ZNF492: variants seen among roughly 807,000 people sequenced by gnomAD.
The protein encoded by ZNF492 is zinc finger protein 492, also known as zinc finger protein 115 (Y20).
A neutral mutation model predicts 6.4 loss-of-function variants in ZNF492; 3 were observed. The observed-to-expected ratio is 0.47, with a 90% confidence interval of 0.21 to 1.22. ZNF492 has a LOEUF of 1.22. ZNF492 is among the 50% of genes most tolerant of loss of function. ZNF492 has a pLI of 0.22. For missense variants in ZNF492, 356 were observed against 612.5 expected (o/e 0.58, Z 4.42); for synonymous variants, 112 against 205.3 (o/e 0.55, Z 3.89).
rs869202400 is a variant in ZNF492 at position 22,642,384 on chromosome 19, CTTTTTTTTT to C, written c.-94+7925_-94+7933del. Among the ~76,000 whole-genome samples, 5 of 85,478 alleles carry C rather than the reference CTTTTTTTTT, an allele frequency of 5.8e-5. No individual in the cohort carries two copies. In the East Asian group the frequency reaches 1.7e-3, roughly 30 times the overall value. The allele number at this position is 85,478 out of a possible 152,430, so 56.1% of individuals were successfully genotyped here. ...ATTAACAGCTAAATAAACCTTTTGT[CTTTTTTTTT>C]TTTTTTTTTTTTTTGAGATGGAGTC... On this transcript the variant is annotated intron_variant, in intron 1 of 3. Transcript: ENST00000456783.
rs189665715 is a variant in ZNF492, at chr19:22,643,519, T to C, written c.-94+9045T>C. On this transcript the variant is annotated intron_variant, in intron 1 of 3. Transcript: ENST00000456783. ...GAGCCTAGGGGGAGCATCATCAGCA[T>C]TGACAGGGGACTTATTTAAAACACC... is the stretch of plus-strand genomic sequence containing the variant. Among the ~76,000 whole-genome samples, 19 of 152,304 alleles carry C rather than the reference T, an allele frequency of 1.2e-4. No individual in the cohort carries two copies. The East Asian group carries it at 3.7e-3, about 29-fold the overall frequency.
intron 3 of ZNF492, 67 bp from the exon 4 acceptor site, chr19:22,663,733 T>G: frequency 7.2e-7 from 1 of 1,386,472 alleles, no homozygotes; most frequent in Non-Finnish European, 9.5e-7. Context: ...ATTTTATAGG[T>G]TAGATTTGTA....
intron 1 of ZNF492, among the ~76,000 whole-genome samples, chr19:22,637,798 CACT>C (rs1568351284): frequency 6.6e-6 from 1 of 152,258 alleles, no homozygotes; most frequent in South Asian, 2.1e-4. Context: ...GGAATCGTCA[CACT>C]ACTTTTTATA....
rs1481932016 is a variant in ZNF492 at position 22,665,119 on chromosome 19, A to G, written c.1450A>G (p.Lys484Glu). ...ACCCTACAAGTGTGAAGAATGTGGC[A>G]AAGCCTTTAACAACTCCTCTATTCT... ...EKPYKCEECG[K>E]AFNNSSILNR... is the part of the protein sequence containing the mutation. Residue 484 changes from lysine to glutamate, a missense_variant, in exon 4 of 4, where the codon AAA becomes GAA. This residue lies in a region of ZNF492 where 81 missense variants were observed against 115.4 expected (regional missense o/e 0.70). Coordinates refer to ENST00000456783, the MANE Select transcript of ZNF492 (RefSeq NM_020855.3). 4.3e-6 allele frequency: 7 copies of G among 1,610,304 alleles called. No individual in the cohort carries two copies. Among genetic ancestry groups the G allele is most frequent in the Non-Finnish European group, 5.9e-6 (7 of 1,179,882 alleles).
intron 1 of ZNF492, among the ~76,000 whole-genome samples, chr19:22,643,253 A>C (rs577156514): frequency 6.6e-6 from 1 of 152,310 alleles, no homozygotes; most frequent in Admixed American, 6.5e-5. Flanking sequence ...CAGCCTGGGC[A>C]ACAGAGTGAG....
intron 1 of ZNF492, among the ~76,000 whole-genome samples, chr19:22,641,886 C>T (rs1264696198): frequency 2.6e-5 from 4 of 152,116 alleles, no homozygotes; most frequent in East Asian, 1.9e-4. Context: ...CTCCGCCTCC[C>T]GGGTTCACGC....
In ZNF492 at chr19:22,666,627, C is replaced by T. The variant is rs542595966; in HGVS notation, c.*1362C>T. 2.0e-5 allele frequency: 3 copies of T among 152,196 alleles called. No individual in the cohort carries two copies. The highest frequency in any genetic ancestry group is 6.5e-5 in the Admixed American group (1 of 15,276). The allele number at this position is 152,196 out of a possible 1,614,324, so 9.4% of individuals were successfully genotyped here. ...GGACATTAAAATGCATGATGAAAAT[C>T]TAAGTAAAGAGGTTCTTTGTGATTC... On this transcript the variant is annotated 3_prime_UTR_variant, in exon 4 of 4. Transcript: ENST00000456783.
At chr19:22,637,312 A>G (rs1470161820) in intron 1 of ZNF492, among the ~76,000 whole-genome samples, 1 of 151,816 alleles carries the variant, frequency 6.6e-6, no homozygotes, top group Non-Finnish European at 1.5e-5. Context: ...ATTTTTGAAG[A>G]CAGGGTCTCA....
In ZNF492 at chr19:22,634,445, A is replaced by G; in HGVS notation, c.-123A>G. ...AGGTATTGGGAGATCCACAGCTAAG[A>G]CGCTAGGACCCCCTGGAAGCCTAGA... On this transcript the variant is annotated 5_prime_UTR_variant, in exon 1 of 4. Coordinates refer to ENST00000456783, the MANE Select transcript of ZNF492 (RefSeq NM_020855.3). 5.1e-6 allele frequency: 7 copies of G among 1,383,850 alleles called. No homozygotes were observed. The highest frequency in any genetic ancestry group is 7.1e-6 in the Non-Finnish European group (7 of 985,716). The allele number at this position is 1,383,850 out of a possible 1,614,324, so 85.7% of individuals were successfully genotyped here. A position where few individuals can be genotyped will look rare whatever the true frequency, so the allele number is the denominator to read the frequency against.
intron 3 of ZNF492, among the ~76,000 whole-genome samples, chr19:22,656,845 G>T (rs142422244): frequency 1.3e-5 from 2 of 152,190 alleles, no homozygotes; most frequent in East Asian, 3.9e-4. Flanking sequence ...AGATCTCAAA[G>T]CTCTTTAAGG....
At chr19:22,634,733 C>G (rs901658121) in intron 1 of ZNF492, among the ~76,000 whole-genome samples, 2 of 152,172 alleles carry the variant, frequency 1.3e-5, no homozygotes, top group Non-Finnish European at 2.9e-5. Flanking sequence ...CAGCTCTGCA[C>G]CCGCAGCGTC....
At chr19:22,657,181 A>G (rs944104487) in intron 3 of ZNF492, among the ~76,000 whole-genome samples, 6 of 152,140 alleles carry the variant, frequency 3.9e-5, no homozygotes, top group African/African-American at 1.4e-4. Context: ...ATTAGTAGAC[A>G]GACAAAAAGG....
chr19:22,637,879 C>T (rs12979173), intron 1 of ZNF492, among the ~76,000 whole-genome samples: 29,431 of 152,026 alleles, frequency 0.19, 3,711 homozygotes, highest in African/African-American at 0.37. Context: ...ACCTTGCCAG[C>T]ATCTGTTATG....
rs1395925402 is a variant in ZNF492, at chr19:22,666,584, T to C, written c.*1319T>C. On this transcript the variant is annotated 3_prime_UTR_variant, in exon 4 of 4. Transcript: ENST00000456783. Reference sequence around the variant, plus strand: ...TTTTATTAGGTGAGCATTTATGACCTCTTCTATGAAAGAGTAAGGACATTA... The same window carrying C: ...TTTTATTAGGTGAGCATTTATGACCCCTTCTATGAAAGAGTAAGGACATTA... 6.6e-6 allele frequency: 1 copy of C among 152,162 alleles called. No individual in the cohort carries two copies. The highest frequency in any genetic ancestry group is 1.5e-5 in the Non-Finnish European group (1 of 68,044). The allele number at this position is 152,162 out of a possible 1,614,324, so 9.4% of individuals were successfully genotyped here. A position where few individuals can be genotyped will look rare whatever the true frequency, so the allele number is the denominator to read the frequency against.
At chr19:22,637,268 C>T (rs556880902) in intron 1 of ZNF492, among the ~76,000 whole-genome samples, 1 of 152,136 alleles carries the variant, frequency 6.6e-6, no homozygotes, top group African/African-American at 2.4e-5. Context: ...TGAGCCATTG[C>T]ACCCGGCCTA....
At chr19:22,660,941 TTG>T (rs1257011089) in intron 3 of ZNF492, among the ~76,000 whole-genome samples, 1 of 151,838 alleles carries the variant, frequency 6.6e-6, no homozygotes, top group East Asian at 1.9e-4. Flanking sequence ...CCTCAGGACT[TTG>T]TGTCACACGG....
At chr19:22,635,176 A>G (rs576094646) in intron 1 of ZNF492, among the ~76,000 whole-genome samples, 2 of 151,824 alleles carry the variant, frequency 1.3e-5, no homozygotes, top group Admixed American at 6.6e-5. Flanking sequence ...AAAAAAAAAA[A>G]TGCATTTGAG....
intron 3 of ZNF492, among the ~76,000 whole-genome samples, chr19:22,655,804 GTTTTTCTTGTTGTTTTTTTTT>G: frequency 8.5e-6 from 1 of 117,050 alleles, no homozygotes; most frequent in African/African-American, 3.3e-5. Flanking sequence ...ACCTCTTCAA[GTTTTTCTTGTTGTTTTTTTTT>G]TTTTTTTTTT....
chr19:22,641,614 C>G (rs970816549), intron 1 of ZNF492, among the ~76,000 whole-genome samples: 1 of 152,044 alleles, frequency 6.6e-6, no homozygotes, highest in Non-Finnish European at 1.5e-5. Flanking sequence ...TCTATTAGGA[C>G]TGTTTAGTCA....
Sources: allele counts gnomAD v4.1 joint callset (sites outside exome capture counted in the v4.1 genomes callset), GRCh38; gene constraint gnomAD v4.1.1; regional missense constraint gnomAD v4.1.1; transcripts MANE v1.5; gene names NCBI Gene and HGNC (gene_info 2026-07-23, HGNC 2026-07-21).